The following ZNF366 variants were observed in gnomAD, a reference collection of about 807,000 sequenced individuals.
ZNF366 encodes the protein zinc finger protein 366, also known as dendritic cell-specific transcript protein.
In ZNF366, 20 loss-of-function variants were observed where a neutral mutation model predicts 47.2. That is an observed-to-expected ratio of 0.42 (90% confidence interval 0.30 to 0.62). The LOEUF (loss-of-function observed/expected upper bound fraction) is 0.62, where lower values mean the gene tolerates loss of function less well. ZNF366 is among the 20% of genes least tolerant of loss of function. The pLI is 0.16. For missense variants in ZNF366, 987 were observed against 976.3 expected, an observed-to-expected ratio of 1.01 and a Z score of -0.15; for synonymous variants, 421 against 395.1, an observed-to-expected ratio of 1.07 and a Z score of -0.78.
intron 1 of ZNF366, among the ~76,000 whole-genome samples, chr5:72,477,210 AT>A (rs1387648386): frequency 6.6e-6 from 1 of 152,208 alleles, no homozygotes. Flanking sequence ...TCTAGCTCAT[AT>A]TTTTAGAAAT....
chr5:72,488,772 G>C (rs1357487939), intron 1 of ZNF366, among the ~76,000 whole-genome samples: 5 of 152,188 alleles, frequency 3.3e-5, no homozygotes, highest in Non-Finnish European at 7.3e-5. Flanking sequence ...ACCATGTATG[G>C]AACATGCTTG....
intron 3 of ZNF366, among the ~76,000 whole-genome samples, chr5:72,455,581 T>C (rs1027029449): frequency 1.3e-5 from 2 of 152,084 alleles, no homozygotes; most frequent in African/African-American, 4.8e-5. Context: ...ATTTTAGAAG[T>C]AGAGAGAGGA....
intron 4 of ZNF366, among the ~76,000 whole-genome samples, chr5:72,446,711 A>G (rs1580229917): frequency 6.6e-6 from 1 of 152,200 alleles, no homozygotes. Flanking sequence ...CTAGCCTGCT[A>G]CCAACATACT....
intron 1 of ZNF366, among the ~76,000 whole-genome samples, chr5:72,498,356 CAT>C (rs1580255630): frequency 6.6e-6 from 1 of 152,164 alleles, no homozygotes; most frequent in Admixed American, 6.5e-5. Context: ...CGCTGATATA[CAT>C]GTTATTTTTA....
chr5:72,495,145 T>C (rs985006754), intron 1 of ZNF366, among the ~76,000 whole-genome samples: 8 of 152,284 alleles, frequency 5.3e-5, no homozygotes, highest in African/African-American at 1.9e-4. Context: ...ATTTCATCAC[T>C]GCCAGGGCTC....
chr5:72,448,636 G>T (rs754075543), intron 3 of ZNF366, among the ~76,000 whole-genome samples: 6 of 152,210 alleles, frequency 3.9e-5, no homozygotes, highest in Non-Finnish European at 8.8e-5. Context: ...AGAGGCCACA[G>T]AGACACTCAG....
chr5:72,495,256 AT>A (rs1744090882), intron 1 of ZNF366, among the ~76,000 whole-genome samples: 1 of 152,190 alleles, frequency 6.6e-6, no homozygotes, highest in Non-Finnish European at 1.5e-5. Flanking sequence ...GGGAGTTCAG[AT>A]TAATAATTAA....
intron 1 of ZNF366, among the ~76,000 whole-genome samples, chr5:72,485,041 CA>C (rs1338778647): frequency 1.3e-5 from 2 of 152,120 alleles, no homozygotes; most frequent in African/African-American, 4.8e-5. Context: ...TTGAGCACAT[CA>C]AATTCAGTTG....
intron 3 of ZNF366, among the ~76,000 whole-genome samples, chr5:72,447,641 G>A (rs1742987266): frequency 6.6e-6 from 1 of 152,174 alleles, no homozygotes; most frequent in African/African-American, 2.4e-5. Flanking sequence ...TAAATTCAAA[G>A]TAAAAATATC....
intron 1 of ZNF366, among the ~76,000 whole-genome samples, chr5:72,495,815 C>T (rs1296537425): frequency 2.6e-5 from 4 of 152,122 alleles, no homozygotes; most frequent in Non-Finnish European, 2.9e-5. Context: ...TATGGCTGAC[C>T]TGGGTCTCAA....
rs1162700455 is a variant in ZNF366 at position 72,443,759 on chromosome 5, G to T, written c.2232C>A (p.Ile744=). The T allele has an allele frequency of 6.2e-7, 1 of 1,608,542 alleles. No homozygotes were observed. Among genetic ancestry groups the T allele is most frequent in the African/African-American group, 1.3e-5 (1 of 74,504 alleles). The part of the protein sequence containing the change: ...KMEKQAVLLG[I] ...ATGTAATTTTAAAACTGTCCACTTAGATACCTAAAAGCACTGCTTGTTTTT... is the reference window on the plus strand; with the variant it reads ...ATGTAATTTTAAAACTGTCCACTTATATACCTAAAAGCACTGCTTGTTTTT... The change falls in exon 5 of 5, where the codon ATC becomes ATA. Residue 744 remains isoleucine (I), a synonymous_variant. Coordinates refer to ENST00000318442, the MANE Select transcript of ZNF366 (RefSeq NM_152625.3).
intron 1 of ZNF366, among the ~76,000 whole-genome samples, chr5:72,468,315 C>A (rs890541446): frequency 6.6e-6 from 1 of 152,180 alleles, no homozygotes; most frequent in Non-Finnish European, 1.5e-5. Context: ...CTTCCAGATG[C>A]CCTTCTGGCC....
At chr5:72,476,834 A>G (rs1416888660) in intron 1 of ZNF366, among the ~76,000 whole-genome samples, 1 of 152,146 alleles carries the variant, frequency 6.6e-6, no homozygotes, top group Non-Finnish European at 1.5e-5. Flanking sequence ...CTACCACCAT[A>G]GGGATGGCTC....
At chr5:72,464,331 C>G (rs905102688) in intron 1 of ZNF366, among the ~76,000 whole-genome samples, 7 of 152,180 alleles carry the variant, frequency 4.6e-5, no homozygotes, top group African/African-American at 1.7e-4. Flanking sequence ...AATGTTATCA[C>G]TAATTGTGAA....
At chr5:72,451,801 G>A (rs1156572044) in intron 3 of ZNF366, among the ~76,000 whole-genome samples, 5 of 152,216 alleles carry the variant, frequency 3.3e-5, no homozygotes, top group African/African-American at 1.2e-4. Context: ...CAAGGTTCAG[G>A]GCTGGGAGAG....
chr5:72,493,719 A>C (rs1372447778), intron 1 of ZNF366: 2 of 152,122 alleles, frequency 1.3e-5, no homozygotes, highest in Non-Finnish European at 2.9e-5. Context: ...AAAAATACAA[A>C]ATAAAAGCTA....
chr5:72,455,011 C>T (rs1487131756), intron 3 of ZNF366, among the ~76,000 whole-genome samples: 2 of 152,234 alleles, frequency 1.3e-5, no homozygotes, highest in African/African-American at 4.8e-5. Context: ...GAACAAGGAG[C>T]CTTGCATTTC....
At chr5:72,445,760 C>T (rs1394669605) in intron 4 of ZNF366, among the ~76,000 whole-genome samples, 1 of 152,138 alleles carries the variant, frequency 6.6e-6, no homozygotes, top group Non-Finnish European at 1.5e-5. Context: ...TCACCGCTTC[C>T]GGAAAAATCC....
chr5:72,447,716 G>A (rs74439788), intron 3 of ZNF366, among the ~76,000 whole-genome samples: 5,469 of 152,274 alleles, frequency 0.036, 303 homozygotes, highest in African/African-American at 0.12. Flanking sequence ...CTAAAAAGCA[G>A]TGGCTACAAG....
Sources: allele counts gnomAD v4.1 joint callset (sites outside exome capture counted in the v4.1 genomes callset), GRCh38; gene constraint gnomAD v4.1.1; transcripts MANE v1.5; gene names NCBI Gene and HGNC (gene_info 2026-07-23, HGNC 2026-07-21).